Variants in PDE3B observed in about 807,000 individuals in gnomAD.
The protein encoded by PDE3B is phosphodiesterase 3B.
In PDE3B, 66 loss-of-function variants were observed where a neutral mutation model predicts 116.8. The ratio of observed to expected loss-of-function variants is 0.56; its 90% CI spans 0.46 to 0.69. The LOEUF (loss-of-function observed/expected upper bound fraction) is 0.69, where lower values mean the gene tolerates loss of function less well. Ranked by LOEUF, PDE3B falls within the 30% of genes least tolerant of loss-of-function variation. The probability of loss-of-function intolerance (pLI) is 0.00; values close to 1 mark genes in which losing one functional copy is unlikely to be tolerated. For synonymous variants in PDE3B, 595 were observed against 533.6 expected (o/e 1.12, Z -1.59); for missense variants, 1,384 against 1,368.1 (o/e 1.01, Z -0.18).
the PDE3B span, chr11:14,887,240 G>A: frequency 6.6e-6 from 1 of 152,212 alleles, no homozygotes; most frequent in African/African-American, 2.4e-5. Flanking sequence ...GCAGAACAGA[G>A]GGCAAATGTA....
At chr11:14,684,619 C>A (rs889460034) in intron 1 of PDE3B, among the ~76,000 whole-genome samples, 8 of 152,134 alleles carry the variant, frequency 5.3e-5, no homozygotes, top group African/African-American at 1.9e-4. Context: ...TTTCCCCACC[C>A]TAGTAAGCCT....
intron 2 of PDE3B, among the ~76,000 whole-genome samples, chr11:14,784,248 A>T (rs752176844): frequency 1.3e-5 from 2 of 152,248 alleles, no homozygotes; most frequent in Non-Finnish European, 2.9e-5. Flanking sequence ...AAGTAACAGG[A>T]AGGAAGAAAG....
chr11:14,672,046 C>CAT lies in PDE3B; in HGVS notation c.978+27002_978+27003dup, dbSNP rs1159116357. 2.3e-4 allele frequency among the ~76,000 whole-genome samples: 32 copies of CAT among 141,274 alleles called. No homozygotes were observed. In the East Asian group the frequency reaches 5.3e-3, roughly 23 times the overall value. The allele number at this position is 141,274 out of a possible 152,430, so 92.7% of individuals were successfully genotyped here. A position where few individuals can be genotyped will look rare whatever the true frequency, so the allele number is the denominator to read the frequency against. On this transcript the variant is annotated intron_variant, in intron 1 of 15. Coordinates refer to ENST00000282096, the MANE Select transcript of PDE3B (RefSeq NM_000922.4). ...AAAAAAAAATATATATATATATATA[C>CAT]ATATATATATGTATATATATATTTT... is the stretch of plus-strand genomic sequence containing the variant.
chr11:14,715,496 C>T (rs1424556645), intron 1 of PDE3B, among the ~76,000 whole-genome samples: 2 of 152,060 alleles, frequency 1.3e-5, no homozygotes, highest in Non-Finnish European at 2.9e-5. Context: ...AGTTGGATTC[C>T]TAGGTATTTT....
the PDE3B span, among the ~76,000 whole-genome samples, chr11:14,883,248 A>T: frequency 6.6e-6 from 1 of 151,568 alleles, no homozygotes; most frequent in Non-Finnish European, 1.5e-5. Context: ...CCAAAAGAAC[A>T]AAGCTGGAGG....
intron 1 of PDE3B, among the ~76,000 whole-genome samples, chr11:14,702,431 C>T (rs573308267): frequency 6.6e-6 from 1 of 151,510 alleles, no homozygotes; most frequent in Non-Finnish European, 1.5e-5. Flanking sequence ...TCTAAAATAC[C>T]CTATCTTTGG....
At chr11:14,852,718 A>G (rs996813094) in intron 12 of PDE3B, among the ~76,000 whole-genome samples, 1 of 152,060 alleles carries the variant, frequency 6.6e-6, no homozygotes, top group African/African-American at 2.4e-5. Flanking sequence ...TCTGTTCTCA[A>G]CATGTCAGCC....
intron 1 of PDE3B, among the ~76,000 whole-genome samples, chr11:14,665,116 C>T (rs567199598): frequency 1.9e-4 from 29 of 152,198 alleles, no homozygotes; most frequent in Non-Finnish European, 3.2e-4. Context: ...GTTCAATATC[C>T]GCAAATCAAT....
chr11:14,789,959 C>T (rs1294972089), intron 4 of PDE3B, among the ~76,000 whole-genome samples: 1 of 151,952 alleles, frequency 6.6e-6, no homozygotes, highest in African/African-American at 2.4e-5. Flanking sequence ...CTTTACTCAG[C>T]TTTCTAATTA....
chr11:14,878,539 A>G, the PDE3B span, among the ~76,000 whole-genome samples: 4 of 152,068 alleles, frequency 2.6e-5, no homozygotes, highest in Non-Finnish European at 4.4e-5. Flanking sequence ...TCCATCTCCC[A>G]CTTCCCTCCT....
chr11:14,885,330 A>G, the PDE3B span, among the ~76,000 whole-genome samples: 2 of 152,174 alleles, frequency 1.3e-5, no homozygotes, highest in Non-Finnish European at 2.9e-5. Context: ...AGTCCTTTAC[A>G]CAAACCATGC....
At chr11:14,788,302 A>G (rs993673680) in intron 3 of PDE3B, among the ~76,000 whole-genome samples, 3 of 152,014 alleles carry the variant, frequency 2.0e-5, no homozygotes, top group African/African-American at 7.2e-5. Context: ...TCTTATACAC[A>G]TTAAGAACAA....
intron 1 of PDE3B, among the ~76,000 whole-genome samples, chr11:14,763,547 A>G (rs1307460377): frequency 6.6e-6 from 1 of 152,102 alleles, no homozygotes; most frequent in Non-Finnish European, 1.5e-5. Context: ...CATGTTTATA[A>G]TCTAATTGGA....
rs527438180 is a variant in PDE3B at position 14,800,825 on chromosome 11, TC to T, written c.1416-3116del. Among the ~76,000 whole-genome samples, 12 of 152,256 alleles carry T rather than the reference TC, an allele frequency of 7.9e-5. No individual in the cohort carries two copies. In the South Asian group the frequency reaches 2.5e-3, roughly 32 times the overall value. ...ACGCAGATTTGGTATTTTCACATAGTCCCTTATTTCTTGGAGGCTTTGTTCA... is the reference window on the plus strand; with the variant it reads ...ACGCAGATTTGGTATTTTCACATAGTCCTTATTTCTTGGAGGCTTTGTTCA... On this transcript the variant is annotated intron_variant, in intron 4 of 15. Transcript: ENST00000282096.
At chr11:14,883,745 G>A in the PDE3B span, among the ~76,000 whole-genome samples, 3 of 152,078 alleles carry the variant, frequency 2.0e-5, no homozygotes, top group East Asian at 3.9e-4. Context: ...GAGTGAACAG[G>A]CAACCTACAA....
In PDE3B at chr11:14,644,957, G is replaced by A; in HGVS notation, c.882G>A (p.Arg294=). ...TGCCTGTGATCCGACCCCGGAGGAG[G>A]TCCAGCTGCGTGTCGTTAGGAGAAA... ...EKVPVIRPRR[R]SSCVSLGETA... is the part of the protein sequence containing the mutation. Residue 294 remains arginine (R), a synonymous_variant, in exon 1 of 16, where the codon AGG becomes AGA. Coordinates refer to ENST00000282096, the MANE Select transcript of PDE3B (RefSeq NM_000922.4). The A allele has an allele frequency of 6.2e-7, 1 of 1,614,070 alleles. No homozygotes were observed. The highest frequency in any genetic ancestry group is 8.5e-7 in the Non-Finnish European group (1 of 1,180,028).
At chr11:14,724,149 T>C (rs1179849766) in intron 1 of PDE3B, among the ~76,000 whole-genome samples, 1 of 151,812 alleles carries the variant, frequency 6.6e-6, no homozygotes, top group Non-Finnish European at 1.5e-5. Flanking sequence ...TGGAGAGAAA[T>C]AGACTTGAAA....
rs543692553 is a variant in PDE3B at position 14,755,659 on chromosome 11, A to G, written c.979-16278A>G. On this transcript the variant is annotated intron_variant, in intron 1 of 15. Coordinates refer to ENST00000282096, the MANE Select transcript of PDE3B (RefSeq NM_000922.4). ...AATTAAAATGAAATACTCTTTCCCC[A>G]AAAGAATTCCATTCTTCTCATTGGA... 6.6e-5 allele frequency among the ~76,000 whole-genome samples: 10 copies of G among 152,328 alleles called. No homozygotes were observed. In the South Asian group the frequency reaches 1.7e-3, roughly 25 times the overall value.
At chr11:14,885,888 T>G in the PDE3B span, 1 of 1,613,536 alleles carries the variant, frequency 6.2e-7, no homozygotes, top group African/African-American at 1.3e-5. Flanking sequence ...GAACCACAGT[T>G]GATATGCCTC....
Sources: gnomAD v4.1 joint callset for allele counts (sites outside exome capture counted in the v4.1 genomes callset) on GRCh38, gnomAD v4.1.1 for gene constraint, MANE v1.5 for transcripts, NCBI Gene and HGNC (gene_info 2026-07-23, HGNC 2026-07-21) for gene names.